FAM117B: variants seen among roughly 807,000 people sequenced by gnomAD.
FAM117B encodes the protein protein FAM117B.
FAM117B carries 22 observed loss-of-function variants against 52.8 expected under a neutral mutation model. The observed-to-expected ratio is 0.42, with a 90% confidence interval of 0.30 to 0.59. FAM117B has a LOEUF of 0.59. Among genes scored for constraint, FAM117B ranks in the 20% least tolerant of loss-of-function variants. The pLI is 0.22. For synonymous variants in FAM117B, 309 were observed against 324.1 expected (o/e 0.95, Z 0.50); for missense variants, 678 against 802.6 (o/e 0.84, Z 1.88).
chr2:202,716,128 T>C (rs1342806367), intron 2 of FAM117B, among the ~76,000 whole-genome samples: 1 of 152,206 alleles, frequency 6.6e-6, no homozygotes, highest in Non-Finnish European at 1.5e-5. Context: ...ACCTTTATCA[T>C]TATGTAGTGA....
chr2:202,718,135 A>C (rs745409880), intron 2 of FAM117B, among the ~76,000 whole-genome samples: 16 of 151,928 alleles, frequency 1.1e-4, no homozygotes, highest in Non-Finnish European at 1.9e-4. Context: ...CTCTTCAGTC[A>C]GCTTGTGGTT....
At chr2:202,694,532 T>C (rs1690680653) in intron 1 of FAM117B, among the ~76,000 whole-genome samples, 1 of 152,054 alleles carries the variant, frequency 6.6e-6, no homozygotes, top group Non-Finnish European at 1.5e-5. Flanking sequence ...ACATTACTTA[T>C]TAATGTGAGG....
intron 1 of FAM117B, among the ~76,000 whole-genome samples, chr2:202,651,781 T>G (rs1226848516): frequency 6.6e-6 from 1 of 152,144 alleles, no homozygotes; most frequent in Non-Finnish European, 1.5e-5. Context: ...TGTGCATGTA[T>G]GTTGGTATTT....
rs201014153 is a variant in FAM117B, at chr2:202,659,062, A to AGT, written c.601+23276_601+23277dup. Among the ~76,000 whole-genome samples, 1,188 of 152,018 alleles carry AGT rather than the reference A, an allele frequency of 7.8e-3. 7 individuals carry two copies. The highest frequency in any genetic ancestry group is 0.012 in the Non-Finnish European group (819 of 68,000). ...CTCTCTGTCTCCCAGGCTGGAGTGCAGTGGCATGTTCTGGCTCACTGCAAC... is the reference window on the plus strand; with the variant it reads ...CTCTCTGTCTCCCAGGCTGGAGTGCAGTGTGGCATGTTCTGGCTCACTGCAAC... On this transcript the variant is annotated intron_variant, in intron 1 of 7. Transcript: ENST00000392238.
intron 1 of FAM117B, among the ~76,000 whole-genome samples, chr2:202,676,377 T>G (rs1391911631): frequency 9.8e-5 from 1 of 10,180 alleles, no homozygotes. Context: ...TATTCCTTGT[T>G]TTTTTTTTTT....
At chr2:202,651,592 T>C in intron 1 of FAM117B, among the ~76,000 whole-genome samples, 1 of 151,640 alleles carries the variant, frequency 6.6e-6, no homozygotes, top group East Asian at 2.0e-4. Flanking sequence ...CAGGCTGGTC[T>C]CAAACTCCTG....
In FAM117B at chr2:202,635,469, C is replaced by T. The variant is rs1689665846; in HGVS notation, c.282C>T (p.Pro94=). The T allele has an allele frequency of 9.3e-7, 1 of 1,077,058 alleles. No homozygotes were observed. Among genetic ancestry groups the T allele is most frequent in the Non-Finnish European group, 1.1e-6 (1 of 891,980 alleles). 66.7% of individuals were successfully genotyped at this position (1,077,058 alleles called of 1,614,324 possible). A position where few individuals can be genotyped will look rare whatever the true frequency, so the allele number is the denominator to read the frequency against. ...GCACCGCCTCGCGCAGCACCAGCCC[C>T]ACGCGCGGCGGCGGGAACGCGGCCG... ...GPRTASRSTS[P]TRGGGNAAAR... The change falls in exon 1 of 8, where the codon CCC becomes CCT. Residue 94 remains proline (P), a synonymous_variant. Coordinates refer to ENST00000392238, the MANE Select transcript of FAM117B (RefSeq NM_173511.4).
At chr2:202,723,074 T>C (rs1177367798) in intron 2 of FAM117B, among the ~76,000 whole-genome samples, 3 of 151,686 alleles carry the variant, frequency 2.0e-5, no homozygotes, top group Admixed American at 6.6e-5. Flanking sequence ...GAAACTGGAG[T>C]TTAGGGTGAA....
intron 2 of FAM117B, 114 bp from the exon 3 acceptor site, chr2:202,724,802 AT>A (rs1559110311): frequency 1.6e-6 from 1 of 636,894 alleles, no homozygotes; most frequent in Non-Finnish European, 2.4e-6. Flanking sequence ...TGTGTTAATT[AT>A]TTTTAATGTC....
chr2:202,729,771 T>C (rs1691310842), intron 4 of FAM117B, among the ~76,000 whole-genome samples: 1 of 151,696 alleles, frequency 6.6e-6, no homozygotes, highest in Admixed American at 6.6e-5. Flanking sequence ...CAGATAGGAG[T>C]AGTGGTAAGA....
chr2:202,656,943 A>C (rs1038902914), intron 1 of FAM117B, among the ~76,000 whole-genome samples: 1 of 151,688 alleles, frequency 6.6e-6, no homozygotes, highest in African/African-American at 2.4e-5. Flanking sequence ...ATCCCTGGTA[A>C]TTTTTCTTGT....
intron 1 of FAM117B, among the ~76,000 whole-genome samples, chr2:202,652,970 A>G (rs2105757471): frequency 1.3e-5 from 2 of 152,308 alleles, no homozygotes; most frequent in East Asian, 3.9e-4. Context: ...TAAAAAATAA[A>G]AAAAACAAAA....
intron 4 of FAM117B, among the ~76,000 whole-genome samples, chr2:202,737,233 G>A (rs1281009137): frequency 6.6e-6 from 1 of 151,994 alleles, no homozygotes; most frequent in Non-Finnish European, 1.5e-5. Flanking sequence ...CTCTAGGAAA[G>A]GACCTAAAGA....
chr2:202,738,975 G>A (rs1442654023), intron 4 of FAM117B, among the ~76,000 whole-genome samples: 1 of 152,124 alleles, frequency 6.6e-6, no homozygotes, highest in African/African-American at 2.4e-5. Context: ...GGACACTTGA[G>A]GTCAGGAGTT....
intron 2 of FAM117B, among the ~76,000 whole-genome samples, chr2:202,707,276 C>T (rs1690885897): frequency 6.6e-6 from 1 of 151,420 alleles, no homozygotes; most frequent in South Asian, 2.1e-4. Flanking sequence ...TCTTGAACTC[C>T]TGGACTCAAG....
At chr2:202,739,128 G>A (rs1195241118) in intron 4 of FAM117B, among the ~76,000 whole-genome samples, 1 of 152,186 alleles carries the variant, frequency 6.6e-6, no homozygotes, top group Non-Finnish European at 1.5e-5. Context: ...GGTGGAGGTT[G>A]CAGTGAGCTG....
intron 1 of FAM117B, among the ~76,000 whole-genome samples, chr2:202,676,190 C>T (rs1651244187): frequency 6.6e-6 from 1 of 151,888 alleles, no homozygotes; most frequent in Non-Finnish European, 1.5e-5. Context: ...ACAGTCAGCA[C>T]GGGACTGAGG....
chr2:202,646,604 A>C (rs1689867775), intron 1 of FAM117B, among the ~76,000 whole-genome samples: 1 of 152,164 alleles, frequency 6.6e-6, no homozygotes, highest in Non-Finnish European at 1.5e-5. Flanking sequence ...TTTCTCAGGG[A>C]ACCCAGGCAT....
chr2:202,731,549 G>C (rs1038328678), intron 4 of FAM117B, among the ~76,000 whole-genome samples: 3 of 151,502 alleles, frequency 2.0e-5, no homozygotes, highest in Admixed American at 1.3e-4. Context: ...TCCTGCCTCA[G>C]CTTCCTGAGT....
Sources: allele counts gnomAD v4.1 joint callset (sites outside exome capture counted in the v4.1 genomes callset), GRCh38; gene constraint gnomAD v4.1.1; transcripts MANE v1.5; gene names NCBI Gene and HGNC (gene_info 2026-07-23, HGNC 2026-07-21).